AGBL4: variants seen among roughly 807,000 people sequenced by gnomAD.
The protein encoded by AGBL4 is cytosolic carboxypeptidase 6.
In AGBL4, 58 loss-of-function variants were observed where a neutral mutation model predicts 66.4. The observed-to-expected ratio is 0.87, with a 90% CI of 0.71 to 1.09. The LOEUF (loss-of-function observed/expected upper bound fraction) is 1.09. Ranked by LOEUF, AGBL4 falls within the 50% of genes least tolerant of loss-of-function variation. AGBL4 has a pLI of 0.00. For missense variants in AGBL4, 579 were observed against 631.0 expected, an observed-to-expected ratio of 0.92 and a Z score of 0.88; for synonymous variants, 234 against 222.9, an observed-to-expected ratio of 1.05 and a Z score of -0.44.
chr1:49,465,210 T>TACACACACACACACACACACACAC (rs3054630), intron 3 of AGBL4, among the ~76,000 whole-genome samples: 1 of 116,792 alleles, frequency 8.6e-6, no homozygotes, highest in African/African-American at 3.3e-5. Flanking sequence ...TACCCCTACA[T>TACACACACACACACACACACACAC]ACACACACAC....
chr1:49,509,552 A>T (rs1190983427), intron 3 of AGBL4, among the ~76,000 whole-genome samples: 1 of 151,922 alleles, frequency 6.6e-6, no homozygotes, highest in Non-Finnish European at 1.5e-5. Context: ...AAATAAGGAC[A>T]CCAGGGAGGC....
intron 3 of AGBL4, among the ~76,000 whole-genome samples, chr1:49,481,348 T>C (rs1646952049): frequency 6.6e-6 from 1 of 152,096 alleles, no homozygotes; most frequent in Admixed American, 6.6e-5. Flanking sequence ...CCACTTCTCT[T>C]GTTAGCTGTA....
intron 2 of AGBL4, among the ~76,000 whole-genome samples, chr1:49,717,234 T>C (rs1340958344): frequency 2.0e-5 from 3 of 152,082 alleles, no homozygotes; most frequent in East Asian, 3.9e-4. Flanking sequence ...AAATGTTCCA[T>C]GCTTATGGAT....
At chr1:48,717,447 G>A (rs971593737) in intron 6 of AGBL4, among the ~76,000 whole-genome samples, 2 of 152,208 alleles carry the variant, frequency 1.3e-5, no homozygotes, top group Admixed American at 1.3e-4. Flanking sequence ...TATTTATGCT[G>A]ATACATACTC....
chr1:49,169,827 C>A (rs781244074), intron 4 of AGBL4, among the ~76,000 whole-genome samples: 1 of 152,104 alleles, frequency 6.6e-6, no homozygotes, highest in South Asian at 2.1e-4. Flanking sequence ...ATTCAGATGA[C>A]CAGAATCCAA....
At chr1:49,855,176 A>G (rs1291329306) in intron 1 of AGBL4, among the ~76,000 whole-genome samples, 6 of 152,194 alleles carry the variant, frequency 3.9e-5, no homozygotes. Flanking sequence ...CAAAAAGGTT[A>G]TTATGTAATG....
chr1:49,893,255 G>C (rs1471090993), intron 1 of AGBL4, among the ~76,000 whole-genome samples: 1 of 152,116 alleles, frequency 6.6e-6, no homozygotes, highest in Non-Finnish European at 1.5e-5. Context: ...GAAAACACAG[G>C]ACCAGAAGGA....
At chr1:48,785,721 C>T (rs1397260042) in intron 6 of AGBL4, among the ~76,000 whole-genome samples, 1 of 152,158 alleles carries the variant, frequency 6.6e-6, no homozygotes, top group Non-Finnish European at 1.5e-5. Context: ...GTCTCTGGGC[C>T]TTCCGGGAAA....
At chr1:49,454,883 T>A (rs1227845300) in intron 3 of AGBL4, among the ~76,000 whole-genome samples, 3 of 151,722 alleles carry the variant, frequency 2.0e-5, no homozygotes, top group Non-Finnish European at 4.4e-5. Flanking sequence ...CCTTAATAAG[T>A]ATGAATTTAC....
intron 3 of AGBL4, among the ~76,000 whole-genome samples, chr1:49,382,351 A>G (rs978318955): frequency 6.6e-6 from 1 of 152,212 alleles, no homozygotes; most frequent in East Asian, 1.9e-4. Flanking sequence ...AGGATAGTTC[A>G]ACATATAAAA....
At chr1:49,279,334 G>A (rs1374819326) in intron 3 of AGBL4, among the ~76,000 whole-genome samples, 39 of 152,150 alleles carry the variant, frequency 2.6e-4, no homozygotes, top group Admixed American at 2.5e-3. Flanking sequence ...AAAGCCAGGC[G>A]CTGTCTTCAA....
chr1:49,120,273 TG>T, intron 4 of AGBL4, among the ~76,000 whole-genome samples: 1 of 152,328 alleles, frequency 6.6e-6, no homozygotes, highest in Middle Eastern at 3.4e-3. Context: ...ATAGCATTGA[TG>T]GTCTTTACAA....
At chr1:48,624,747 G>A (rs1158812454) in intron 9 of AGBL4, among the ~76,000 whole-genome samples, 2 of 152,212 alleles carry the variant, frequency 1.3e-5, no homozygotes, top group Non-Finnish European at 2.9e-5. Context: ...AGTATACAGG[G>A]AACCCTTGAA....
At chr1:49,379,937 G>T (rs1433553612) in intron 3 of AGBL4, among the ~76,000 whole-genome samples, 1 of 152,146 alleles carries the variant, frequency 6.6e-6, no homozygotes, top group East Asian at 1.9e-4. Flanking sequence ...TTGAAAACTG[G>T]CCTAAGACAG....
chr1:49,984,893 T>C (rs1230278591), intron 1 of AGBL4, among the ~76,000 whole-genome samples: 1 of 152,074 alleles, frequency 6.6e-6, no homozygotes, highest in African/African-American at 2.4e-5. Flanking sequence ...AATGGCATCA[T>C]TCAAAAAGAG....
chr1:49,225,111 A>T (rs560944467), intron 4 of AGBL4, among the ~76,000 whole-genome samples: 20 of 152,224 alleles, frequency 1.3e-4, no homozygotes, highest in Non-Finnish European at 2.4e-4. Context: ...GACTCCTTTC[A>T]TTCACTAGTT....
At chr1:48,889,989 C>CGT (rs10557498) in intron 5 of AGBL4, among the ~76,000 whole-genome samples, 8,329 of 148,210 alleles carry the variant, frequency 0.056, 276 homozygotes, top group Admixed American at 0.12. Flanking sequence ...AGCCTGCTTG[C>CGT]GTGTGTGTGT....
chr1:49,152,332 C>T (rs1043767347), intron 4 of AGBL4, among the ~76,000 whole-genome samples: 1 of 152,168 alleles, frequency 6.6e-6, no homozygotes. Context: ...TTCTCCCTTT[C>T]CTTCCTTCTT....
chr1:49,945,429 A>C (rs534935888), intron 1 of AGBL4, among the ~76,000 whole-genome samples: 1 of 152,236 alleles, frequency 6.6e-6, no homozygotes, highest in African/African-American at 2.4e-5. Context: ...ATTAAACCAA[A>C]CAATTAACAG....
Sources: gnomAD v4.1 joint callset for allele counts (sites outside exome capture counted in the v4.1 genomes callset) on GRCh38, gnomAD v4.1.1 for gene constraint, MANE v1.5 for transcripts, NCBI Gene and HGNC (gene_info 2026-07-23, HGNC 2026-07-21) for gene names.